The following COL17A1 variants were observed in gnomAD, a reference collection of about 807,000 sequenced individuals.
The protein encoded by COL17A1 is collagen type XVII alpha 1 chain.
A neutral mutation model predicts 218.4 loss-of-function variants in COL17A1; 181 were observed. The observed-to-expected ratio is 0.83, with a 90% CI of 0.73 to 0.94. The LOEUF is 0.94. Ranked by LOEUF, COL17A1 falls within the 40% of genes least tolerant of loss-of-function variation. The pLI, the probability that COL17A1 is intolerant of heterozygous loss-of-function variation, is 0.00. For missense variants in COL17A1, 1,924 were observed against 1,945.9 expected (o/e 0.99, Z 0.21); for synonymous variants, 721 against 731.0 (o/e 0.99, Z 0.22).
intron 42 of COL17A1, 43 bp from the exon 43 acceptor site, chr10:104,039,562 G>A (rs1429907095): frequency 6.2e-7 from 1 of 1,614,058 alleles, no homozygotes; most frequent in African/African-American, 1.3e-5. Flanking sequence ...CCAGGGTTTG[G>A]AGAGGCTCTG....
At chr10:104,050,782 C>T in intron 26 of COL17A1, 66 bp downstream of exon 26, 3 of 1,614,124 alleles carry the variant, frequency 1.9e-6, no homozygotes, top group Non-Finnish European at 2.5e-6. Flanking sequence ...CACTTGTCAG[C>T]CTGCATAGGC....
rs370014586 is a variant in COL17A1 at position 104,041,294 on chromosome 10, G to A, written c.2647+9C>T. ...CCTCCCACCTCCCAGTGGTAAGCTC[G>A]GCTCTCACCTGGTGGGCCTCGGGGT... On this transcript the variant is annotated intron_variant, in intron 38 of 55. Coordinates refer to ENST00000648076, the MANE Select transcript of COL17A1 (RefSeq NM_000494.4). 2.8e-5 allele frequency: 45 copies of A among 1,604,870 alleles called. No homozygotes were observed. Among genetic ancestry groups the A allele is most frequent in the South Asian group, 1.1e-4 (10 of 89,760 alleles).
At chr10:104,038,579 A>ACAAAC (rs778357764) in intron 44 of COL17A1, 51 bp from the exon 45 acceptor site, 1 of 1,601,660 alleles carries the variant, frequency 6.2e-7, no homozygotes, top group Non-Finnish European at 8.5e-7. Context: ...CTAGGGTCAG[A>ACAAAC]CAAACGGGCC....
At chr10:104,037,894 G>A in intron 45 of COL17A1, 121 bp from the exon 46 acceptor site, 1 of 1,277,582 alleles carries the variant, frequency 7.8e-7, no homozygotes, top group East Asian at 2.5e-5. Context: ...CCCAAGGCTG[G>A]GCCAGGAGGG....
chr10:104,058,122 G>T (rs764080144), intron 16 of COL17A1, 24 bp downstream of exon 16: 2 of 1,614,064 alleles, frequency 1.2e-6, no homozygotes, highest in Non-Finnish European at 1.7e-6. Context: ...TCCTGTCACT[G>T]CAGGGTTCGC....
In COL17A1 at chr10:104,062,310, A is replaced by G. The variant is rs374061730; in HGVS notation, c.858T>C (p.Asn286=). Residue 286 remains asparagine (N), a synonymous_variant, in exon 12 of 56, where the codon AAT becomes AAC. Coordinates refer to ENST00000648076, the MANE Select transcript of COL17A1 (RefSeq NM_000494.4). ...TSSSVFGMQN[N]LAPSLTTLSH... ...ACAGGGTGGTCAAGCTGGGGGCCAG[A>G]TTGTTCTGCATGCCAAACACTGTGA... 2.1e-5 allele frequency: 34 copies of G among 1,614,102 alleles called. No individual in the cohort carries two copies. In the African/African-American group the frequency reaches 4.0e-4, roughly 19 times the overall value.
Position 104,062,213 on chromosome 10 carries a change from A to T in COL17A1, c.910+45T>A, listed in dbSNP as rs932945365. The T allele has an allele frequency of 3.1e-6, 5 of 1,613,360 alleles. No homozygotes were observed. In the African/African-American group the frequency reaches 6.7e-5, roughly 22 times the overall value. On this transcript the variant is annotated intron_variant, in intron 12 of 55. Transcript: ENST00000648076. ...AATTCAGTGAGTTGTAGCTGCAAAG[A>T]GGTGTCACTTTCCAGCGCCTAAGCT...
At chr10:104,081,309 A>C (rs2134665270) in intron 1 of COL17A1, among the ~76,000 whole-genome samples, 1 of 152,390 alleles carries the variant, frequency 6.6e-6, no homozygotes, top group Middle Eastern at 3.4e-3. Context: ...TATGAAAAAC[A>C]GTTCAAGAAA....
At chr10:104,045,128 C>T (rs769894467) in intron 33 of COL17A1, among the ~76,000 whole-genome samples, 3 of 152,068 alleles carry the variant, frequency 2.0e-5, no homozygotes, top group South Asian at 4.2e-4. Context: ...TGAACTTGCT[C>T]GGGGTTGAGG....
At position 104,035,351 on chromosome 10, in the gene COL17A1, A is replaced by G; in HGVS notation, c.3531T>C (p.Val1177=). The G allele has an allele frequency of 6.2e-7, 1 of 1,614,208 alleles. No individual in the cohort carries two copies. Among genetic ancestry groups the G allele is most frequent in the East Asian group, 2.2e-5 (1 of 44,884 alleles). ...LLRGSEFRGI[V]GPPGPPGPPG... ...GTGGACCCGGGGGACCTGGGGGTCC[A>G]ACGATGCCTCTGAATTCAGACCCTG... Residue 1177 remains valine, a synonymous_variant, in exon 50 of 56, where the codon GTT becomes GTC. Coordinates refer to ENST00000648076, the MANE Select transcript of COL17A1 (RefSeq NM_000494.4).
chr10:104,053,260 C>T (rs573110545), intron 22 of COL17A1, 125 bp from the exon 23 acceptor site: 11 of 1,058,450 alleles, frequency 1.0e-5, no homozygotes, highest in Non-Finnish European at 1.6e-5. Flanking sequence ...TGCTTCTCTC[C>T]TGGACCCCAT....
chr10:104,074,123 C>G (rs1377695941), intron 6 of COL17A1, 61 bp downstream of exon 6: 1 of 1,612,912 alleles, frequency 6.2e-7, no homozygotes, highest in Non-Finnish European at 8.5e-7. Context: ...CTTCATCTCC[C>G]CCAGGGATTT....
chr10:104,036,174 G>A, intron 48 of COL17A1, among the ~76,000 whole-genome samples: 1 of 139,304 alleles, frequency 7.2e-6, no homozygotes, highest in African/African-American at 2.7e-5. Flanking sequence ...ATGGGTGTGT[G>A]TGTATGGAAG....
chr10:104,068,187 A>G (rs918759026), intron 9 of COL17A1, among the ~76,000 whole-genome samples: 1 of 152,246 alleles, frequency 6.6e-6, no homozygotes, highest in Non-Finnish European at 1.5e-5. Flanking sequence ...ATATGAAGCC[A>G]TATTATTACA....
chr10:104,076,225 A>G, intron 5 of COL17A1, 76 bp downstream of exon 5: 1 of 1,608,904 alleles, frequency 6.2e-7, no homozygotes, highest in Non-Finnish European at 8.5e-7. Flanking sequence ...GGTGGCCAGC[A>G]TGTAAATCTT....
Position 104,034,317 on chromosome 10 carries a change from A to G in COL17A1, c.3784T>C (p.Phe1262Leu), listed in dbSNP as rs1226767852. 2 of 1,562,824 alleles carry G rather than the reference A, an allele frequency of 1.3e-6. No homozygotes were observed. Among genetic ancestry groups the G allele is most frequent in the Non-Finnish European group, 8.6e-7 (1 of 1,160,328 alleles). Reference sequence around the variant, plus strand: ...GGAGGGCCTGGGGGGCCAACAATGAAGCTGCGCACATCAGGACCTGCAGGG... The same window carrying G: ...GGAGGGCCTGGGGGGCCAACAATGAGGCTGCGCACATCAGGACCTGCAGGG... Reference protein sequence around the residue: ...SYLTSPDVRSFIVGPPGPPGP... With the variant: ...SYLTSPDVRSLIVGPPGPPGP... The change falls in exon 52 of 56, where the codon TTC becomes CTC. Residue 1262 changes from phenylalanine to leucine, a missense_variant. By Grantham distance (22) the Phe-to-Leu change is conservative. Transcript: ENST00000648076.
intron 29 of COL17A1, among the ~76,000 whole-genome samples, chr10:104,048,659 C>G (rs991063537): frequency 6.6e-6 from 1 of 152,186 alleles, no homozygotes; most frequent in Non-Finnish European, 1.5e-5. Flanking sequence ...CTGTACCTTG[C>G]GTGACACTTG....
intron 10 of COL17A1, among the ~76,000 whole-genome samples, chr10:104,064,047 G>A (rs1738284058): frequency 6.6e-6 from 1 of 152,226 alleles, no homozygotes; most frequent in African/African-American, 2.4e-5. Context: ...TGTCAAACCT[G>A]GAGTGGACAG....
intron 11 of COL17A1, chr10:104,063,519 G>A (rs1215037485): frequency 9.6e-5 from 59 of 612,378 alleles, no homozygotes; most frequent in Non-Finnish European, 1.3e-4. Flanking sequence ...AAATAAAGGC[G>A]CCACCTTAGA....
Sources: gnomAD v4.1 joint callset for allele counts (sites outside exome capture counted in the v4.1 genomes callset) on GRCh38, gnomAD v4.1.1 for gene constraint, MANE v1.5 for transcripts, NCBI Gene and HGNC (gene_info 2026-07-23, HGNC 2026-07-21) for gene names.